DNAH5: variants seen among roughly 807,000 people sequenced by gnomAD.
The protein encoded by DNAH5 is dynein axonemal heavy chain 5.
In DNAH5, 372 loss-of-function variants were observed where a neutral mutation model predicts 518.2. The observed-to-expected ratio is 0.72, with a 90% CI of 0.66 to 0.78. The LOEUF (loss-of-function observed/expected upper bound fraction) is 0.78. Ranked by LOEUF, DNAH5 falls within the 30% of genes least tolerant of loss-of-function variation. The pLI is 0.00. For missense variants in DNAH5, 5,523 were observed against 5,687.0 expected, an observed-to-expected ratio of 0.97 and a Z score of 0.93; for synonymous variants, 2,039 against 2,025.9, an observed-to-expected ratio of 1.01 and a Z score of -0.17.
intron 1 of DNAH5, among the ~76,000 whole-genome samples, chr5:13,938,352 C>T (rs1333962839): frequency 1.3e-5 from 2 of 152,102 alleles, no homozygotes; most frequent in Admixed American, 6.6e-5. Context: ...TTCGTGTCAC[C>T]TCACATCCAC....
intron 14 of DNAH5, chr5:13,900,824 G>T: frequency 3.3e-6 from 1 of 301,300 alleles, no homozygotes; most frequent in East Asian, 8.5e-5. Flanking sequence ...ATCGCATCCT[G>T]ACAGCCTACA....
At chr5:13,769,749 G>A in intron 56 of DNAH5, 134 bp from the exon 57 acceptor site, 3 of 768,336 alleles carry the variant, frequency 3.9e-6, no homozygotes, top group East Asian at 5.2e-5. Context: ...ACCCAAGAGG[G>A]CTTAGCAAAA....
intron 1 of DNAH5, among the ~76,000 whole-genome samples, chr5:13,961,603 C>T (rs1285152424): frequency 1.3e-5 from 2 of 152,138 alleles, no homozygotes; most frequent in African/African-American, 4.8e-5. Context: ...AAGATCACAT[C>T]ACTGCGCTCC....
At chr5:13,937,017 T>C (rs1040364969) in intron 1 of DNAH5, among the ~76,000 whole-genome samples, 2 of 152,066 alleles carry the variant, frequency 1.3e-5, no homozygotes, top group Non-Finnish European at 2.9e-5. Context: ...TGTTTTGGTT[T>C]AATTGTCACA....
At chr5:13,827,277 G>A (rs553495782) in intron 38 of DNAH5, among the ~76,000 whole-genome samples, 72 of 152,138 alleles carry the variant, frequency 4.7e-4, no homozygotes, top group African/African-American at 1.5e-3. Context: ...ATAAATTTGC[G>A]TAAGTAATGA....
rs1240194732 is a variant in DNAH5, at chr5:13,731,885, G to T, written c.11762-2325C>A. Among the ~76,000 whole-genome samples, 4 of 152,126 alleles carry T rather than the reference G, an allele frequency of 2.6e-5. 1 individual carries two copies. The highest frequency in any genetic ancestry group is 5.9e-5 in the Non-Finnish European group (4 of 67,998). ...GCAGTGTCCCACATCTGTCATCCCA[G>T]GACTTTGGGAGGAAAAGGCAAGAGG... On this transcript the variant is annotated intron_variant, in intron 68 of 78. Coordinates refer to ENST00000265104, the MANE Select transcript of DNAH5 (RefSeq NM_001369.3).
At chr5:13,879,597 C>G (rs1339986509) in intron 21 of DNAH5, among the ~76,000 whole-genome samples, 1 of 151,646 alleles carries the variant, frequency 6.6e-6, no homozygotes, top group Non-Finnish European at 1.5e-5. Context: ...AGAACTTCAA[C>G]AAAGACAGAA....
chr5:13,895,734 A>G (rs899655979), intron 15 of DNAH5, among the ~76,000 whole-genome samples: 4 of 152,022 alleles, frequency 2.6e-5, no homozygotes, highest in Middle Eastern at 3.2e-3. Context: ...CTGAAAGTCT[A>G]GATTCACAAA....
intron 55 of DNAH5, among the ~76,000 whole-genome samples, chr5:13,775,972 CA>C (rs369053509): frequency 0.38 from 40,335 of 106,498 alleles, 5,552 homozygotes; most frequent in South Asian, 0.47. Context: ...CAAAAGCTTT[CA>C]AAAAAAAAAA....
Position 13,867,764 on chromosome 5 carries a change from A to G in DNAH5, c.4053+10T>C, listed in dbSNP as rs1257301368. On this transcript the variant is annotated intron_variant, in intron 25 of 78. Coordinates refer to ENST00000265104, the MANE Select transcript of DNAH5 (RefSeq NM_001369.3). ...CCCGAAAACGCACACAGAGAAAGCC[A>G]GAGACATACCAAATCATAGTCCAGA... 1 of 1,606,996 alleles carries G rather than the reference A, an allele frequency of 6.2e-7. No homozygotes were observed. Among genetic ancestry groups the G allele is most frequent in the East Asian group, 2.2e-5 (1 of 44,840 alleles).
chr5:13,763,314 G>A lies in DNAH5; in HGVS notation c.10102-413C>T, dbSNP rs7711466. ...ACACACCTAGGTGTATTCAGTCTGA[G>A]GATATACATATTTAGCATTTATCAG... is the stretch of plus-strand genomic sequence containing the variant. On this transcript the variant is annotated intron_variant, in intron 59 of 78. Coordinates refer to ENST00000265104, the MANE Select transcript of DNAH5 (RefSeq NM_001369.3). 3.0e-3 allele frequency among the ~76,000 whole-genome samples: 464 copies of A among 152,280 alleles called. 3 individuals are homozygous for A. Among genetic ancestry groups the A allele is most frequent in the African/African-American group, 0.011 (439 of 41,546 alleles).
At chr5:13,895,640 T>C (rs1312748438) in intron 15 of DNAH5, among the ~76,000 whole-genome samples, 24 of 152,128 alleles carry the variant, frequency 1.6e-4, no homozygotes, top group African/African-American at 4.6e-4. Flanking sequence ...GGAACCAGTA[T>C]TGATCTCAAC....
At chr5:13,733,698 GATAT>G (rs569981386) in intron 68 of DNAH5, among the ~76,000 whole-genome samples, 1 of 151,892 alleles carries the variant, frequency 6.6e-6, no homozygotes, top group South Asian at 2.1e-4. Context: ...GCTACTATAA[GATAT>G]ATATATACAC....
chr5:13,773,022 A>G (rs1226255467), intron 55 of DNAH5, among the ~76,000 whole-genome samples: 1 of 152,220 alleles, frequency 6.6e-6, no homozygotes. Flanking sequence ...GGATAACACT[A>G]GGCAGGTTAG....
intron 47 of DNAH5, among the ~76,000 whole-genome samples, chr5:13,805,164 C>T (rs185550346): frequency 2.0e-5 from 3 of 152,096 alleles, no homozygotes; most frequent in African/African-American, 7.2e-5. Flanking sequence ...CACATGATAT[C>T]AGTTGACCTG....
At chr5:13,820,274 C>T (rs938999704) in intron 41 of DNAH5, 72 bp downstream of exon 41, 1 of 1,515,746 alleles carries the variant, frequency 6.6e-7, no homozygotes, top group Admixed American at 1.7e-5. Flanking sequence ...CTGTGTATCC[C>T]TCTTGGGCAT....
chr5:13,952,986 C>G (rs1780529887), intron 1 of DNAH5, among the ~76,000 whole-genome samples: 1 of 152,322 alleles, frequency 6.6e-6, no homozygotes, highest in East Asian at 1.9e-4. Context: ...AACGTCATTG[C>G]TACTTAATGC....
intron 17 of DNAH5, among the ~76,000 whole-genome samples, chr5:13,888,584 A>G (rs951706248): frequency 2.6e-5 from 4 of 152,226 alleles, no homozygotes; most frequent in African/African-American, 9.6e-5. Flanking sequence ...TAATACCTAT[A>G]TTGGTAATCA....
chr5:13,712,770 C>T (rs190448569), intron 75 of DNAH5, among the ~76,000 whole-genome samples: 30 of 151,994 alleles, frequency 2.0e-4, no homozygotes, highest in Admixed American at 8.5e-4. Context: ...AACCACAACG[C>T]GACAACAACT....
Sources: allele counts gnomAD v4.1 joint callset (sites outside exome capture counted in the v4.1 genomes callset), GRCh38; gene constraint gnomAD v4.1.1; transcripts MANE v1.5; gene names NCBI Gene and HGNC (gene_info 2026-07-23, HGNC 2026-07-21).